The following SETBP1 variants were observed in gnomAD, a reference collection of about 807,000 sequenced individuals.
The protein encoded by SETBP1 is SET binding protein 1, also known as SET-binding protein.
Under a neutral mutation model 101.0 loss-of-function variants are expected in SETBP1, and 9 were observed. The ratio of observed to expected loss-of-function variants is 0.09; its 90% CI spans 0.05 to 0.16. SETBP1 has a LOEUF of 0.16. Ranked by LOEUF, SETBP1 falls within the 10% of genes least tolerant of loss-of-function variation. The pLI is 1.00. For missense variants in SETBP1, 1,858 were observed against 2,033.8 expected (o/e 0.91, Z 1.66); for synonymous variants, 818 against 788.5 (o/e 1.04, Z -0.63).
rs150870618 is a variant in SETBP1 at position 45,058,756 on chromosome 18, A to G, written c.4172-4323A>G. Among the ~76,000 whole-genome samples the G allele has an allele frequency of 1.8e-3, 267 of 152,374 alleles. 2 individuals are homozygous for G. Among genetic ancestry groups the G allele is most frequent in the African/African-American group, 6.0e-3 (250 of 41,588 alleles). On this transcript the variant is annotated intron_variant, in intron 5 of 5. Transcript: ENST00000649279. ...AAAAACCCTAAAGATTATAATGTGC[A>G]AAAGAACGAGGGATACTAAGTCCTA...
rs1491130836 is a variant in SETBP1 at position 44,721,678 on chromosome 18, T to TC, written c.486+19846_486+19847insC. ...CTTCCACAGTATCTCCTTTTAAATC[T>TC]ATGTTACCCGCTTTAAATATGACCC... is the stretch of plus-strand genomic sequence containing the variant. On this transcript the variant is annotated intron_variant, in intron 2 of 5. Transcript: ENST00000649279. 2.6e-5 allele frequency among the ~76,000 whole-genome samples: 4 copies of TC among 152,282 alleles called. No individual in the cohort carries two copies. The East Asian group carries it at 7.7e-4, about 29-fold the overall frequency.
At chr18:44,949,203 C>T (rs772919749) in intron 3 of SETBP1, among the ~76,000 whole-genome samples, 7 of 152,204 alleles carry the variant, frequency 4.6e-5, no homozygotes, top group South Asian at 2.1e-4. Flanking sequence ...TCCGTGCCCT[C>T]GATTGGCCCA....
chr18:44,872,108 C>A (rs201881786), intron 3 of SETBP1: 1 of 152,244 alleles, frequency 6.6e-6, no homozygotes, highest in East Asian at 1.9e-4. Context: ...GAAATGAGAA[C>A]CCTCACTTCT....
In SETBP1 at chr18:44,920,972, T is replaced by C. The variant is rs147909809; in HGVS notation, c.541-28909T>C. On this transcript the variant is annotated intron_variant, in intron 3 of 5. Transcript: ENST00000649279. ...TTACAGGAATATGGTGTAATTGGAA[T>C]AGCGCTGAACTGACAAGTCTGAGGC... 7.9e-5 allele frequency among the ~76,000 whole-genome samples: 12 copies of C among 152,362 alleles called. No homozygotes were observed. In the East Asian group the frequency reaches 1.7e-3, roughly 22 times the overall value.
chr18:44,897,351 GAAGCTTTTGTGAAGAC>G (rs1223701213), intron 3 of SETBP1, among the ~76,000 whole-genome samples: 1 of 152,118 alleles, frequency 6.6e-6, no homozygotes, highest in Non-Finnish European at 1.5e-5. Flanking sequence ...GTGAGGATCT[GAAGCTTTTGTGAAGAC>G]AATATGGTGC....
chr18:44,934,838 C>T (rs1006428469), intron 3 of SETBP1, among the ~76,000 whole-genome samples: 1 of 152,196 alleles, frequency 6.6e-6, no homozygotes, highest in Non-Finnish European at 1.5e-5. Flanking sequence ...GCTGTACACT[C>T]CTGCCCCATT....
At chr18:44,850,398 T>G (rs1483559735) in intron 2 of SETBP1, among the ~76,000 whole-genome samples, 1 of 151,236 alleles carries the variant, frequency 6.6e-6, no homozygotes, top group Non-Finnish European at 1.5e-5. Context: ...TGAGACAGAG[T>G]CTTGCTCTGT....
intron 4 of SETBP1, among the ~76,000 whole-genome samples, chr18:45,027,291 A>G (rs900116781): frequency 1.3e-5 from 2 of 152,202 alleles, no homozygotes; most frequent in African/African-American, 4.8e-5. Context: ...GTTTCTCTGA[A>G]TCTAGAAAGC....
intron 2 of SETBP1, among the ~76,000 whole-genome samples, chr18:44,862,707 T>C (rs571753198): frequency 2.6e-5 from 4 of 152,342 alleles, no homozygotes; most frequent in South Asian, 4.1e-4. Context: ...AGACTATCTC[T>C]TTGTCCTCCC....
intron 4 of SETBP1, among the ~76,000 whole-genome samples, chr18:44,961,526 G>A (rs755389150): frequency 6.6e-6 from 1 of 152,132 alleles, no homozygotes; most frequent in African/African-American, 2.4e-5. Context: ...AGAAGACTAC[G>A]TTTGTGAAGT....
At chr18:44,788,022 A>G (rs2071282861) in intron 2 of SETBP1, among the ~76,000 whole-genome samples, 1 of 150,662 alleles carries the variant, frequency 6.6e-6, no homozygotes, top group Non-Finnish European at 1.5e-5. Context: ...TTTCTTCACA[A>G]TAGGAGCAGA....
intron 2 of SETBP1, among the ~76,000 whole-genome samples, chr18:44,815,444 T>C (rs992353498): frequency 6.6e-6 from 1 of 152,188 alleles, no homozygotes; most frequent in African/African-American, 2.4e-5. Flanking sequence ...GCAATAGACA[T>C]TTGAATTATC....
rs868495551 is a variant in SETBP1, at chr18:44,855,274, C to T, written c.487-13956C>T. Among the ~76,000 whole-genome samples, 14 of 150,538 alleles carry T rather than the reference C, an allele frequency of 9.3e-5. 1 individual carries two copies. The South Asian group carries it at 1.3e-3, about 14-fold the overall frequency. ...AAGGACTTTGGGTTTTTTTTTGGTT[C>T]GTTTTGGGGTTTTTATTTGTTTGTT... On this transcript the variant is annotated intron_variant, in intron 2 of 5. Transcript: ENST00000649279.
chr18:44,976,929 C>A (rs1048391747), intron 4 of SETBP1, among the ~76,000 whole-genome samples: 1 of 152,182 alleles, frequency 6.6e-6, no homozygotes, highest in Non-Finnish European at 1.5e-5. Flanking sequence ...AAGAACTATA[C>A]GCTTCAGTTT....
chr18:44,991,508 T>C (rs966016816), intron 4 of SETBP1, among the ~76,000 whole-genome samples: 1 of 152,140 alleles, frequency 6.6e-6, no homozygotes, highest in Admixed American at 6.5e-5. Flanking sequence ...TAGTCTTTAA[T>C]GTCTTTTTCC....
intron 3 of SETBP1, among the ~76,000 whole-genome samples, chr18:44,935,153 G>T (rs1055193468): frequency 1.3e-5 from 2 of 152,128 alleles, no homozygotes; most frequent in African/African-American, 4.8e-5. Context: ...CTTTCAGAGG[G>T]GACTTACACT....
At chr18:44,965,311 A>ACACG (rs959478434) in intron 4 of SETBP1, among the ~76,000 whole-genome samples, 3 of 151,690 alleles carry the variant, frequency 2.0e-5, no homozygotes, top group Admixed American at 2.0e-4. Context: ...ACACACACAC[A>ACACG]CAGATCACTC....
At chr18:44,965,284 A>AACACACACACACACACACACAC (rs60728043) in intron 4 of SETBP1, among the ~76,000 whole-genome samples, 1 of 147,026 alleles carries the variant, frequency 6.8e-6, no homozygotes, top group Non-Finnish European at 1.5e-5. Flanking sequence ...CATGCACACA[A>AACACACACACACACACACACAC]ACACACACAC....
intron 3 of SETBP1, among the ~76,000 whole-genome samples, chr18:44,894,266 G>A (rs747510920): frequency 3.3e-5 from 5 of 152,214 alleles, no homozygotes; most frequent in Admixed American, 1.3e-4. Flanking sequence ...TTGGCAAAAT[G>A]ACTTCAATTT....
Sources: gnomAD v4.1 joint callset for allele counts (sites outside exome capture counted in the v4.1 genomes callset) on GRCh38, gnomAD v4.1.1 for gene constraint, MANE v1.5 for transcripts, NCBI Gene and HGNC (gene_info 2026-07-23, HGNC 2026-07-21) for gene names.